LDLRAD4: variants seen among roughly 807,000 people sequenced by gnomAD.
LDLRAD4 encodes the protein low-density lipoprotein receptor class A domain-containing protein 4.
Under a neutral mutation model 17.0 loss-of-function variants are expected in LDLRAD4, and 5 were observed. The observed-to-expected ratio is 0.29, with a 90% CI of 0.15 to 0.62. LDLRAD4 has a LOEUF of 0.62. LDLRAD4 is among the 20% of genes least tolerant of loss of function. LDLRAD4 has a pLI of 0.84. For missense variants in LDLRAD4, 340 were observed against 424.7 expected, an observed-to-expected ratio of 0.80 and a Z score of 1.75; for synonymous variants, 168 against 171.8, an observed-to-expected ratio of 0.98 and a Z score of 0.17.
At chr18:13,382,044 C>CA (rs1455732174) in intron 1 of LDLRAD4, among the ~76,000 whole-genome samples, 1 of 152,230 alleles carries the variant, frequency 6.6e-6, no homozygotes, top group Non-Finnish European at 1.5e-5. Flanking sequence ...GGGCCTGGAG[C>CA]AGTCGCCATG....
intron 3 of LDLRAD4, among the ~76,000 whole-genome samples, chr18:13,538,728 G>A (rs924851722): frequency 6.6e-6 from 1 of 152,124 alleles, no homozygotes; most frequent in South Asian, 2.1e-4. Flanking sequence ...GTTTCACCAC[G>A]TTGACTGAGT....
chr18:13,571,577 A>G (rs952973064), intron 3 of LDLRAD4, among the ~76,000 whole-genome samples: 1 of 152,236 alleles, frequency 6.6e-6, no homozygotes, highest in Admixed American at 6.5e-5. Context: ...GATACAATGC[A>G]TAGGCCAGTG....
chr18:13,232,639 T>C (rs553975761), intron 1 of LDLRAD4, among the ~76,000 whole-genome samples: 1 of 152,302 alleles, frequency 6.6e-6, no homozygotes, highest in Admixed American at 6.5e-5. Context: ...AGCTCAGCTA[T>C]TCACTGTTGT....
At chr18:13,518,308 G>T (rs75391748) in intron 3 of LDLRAD4, among the ~76,000 whole-genome samples, 1,863 of 152,164 alleles carry the variant, frequency 0.012, 37 homozygotes, top group African/African-American at 0.043. Context: ...TCACTCCTCA[G>T]CTGTGTCTCG....
intron 1 of LDLRAD4, among the ~76,000 whole-genome samples, chr18:13,287,724 G>A (rs2146354391): frequency 6.6e-6 from 1 of 152,236 alleles, no homozygotes; most frequent in Non-Finnish European, 1.5e-5. Flanking sequence ...CTTATTATGA[G>A]GATTGGATTT....
chr18:13,337,188 G>T (rs945382061), intron 1 of LDLRAD4, among the ~76,000 whole-genome samples: 4 of 152,188 alleles, frequency 2.6e-5, no homozygotes, highest in African/African-American at 9.7e-5. Context: ...TCTTCGAAAT[G>T]ATATAAGTCC....
At chr18:13,371,222 G>A (rs2084483457) in intron 1 of LDLRAD4, among the ~76,000 whole-genome samples, 1 of 152,168 alleles carries the variant, frequency 6.6e-6, no homozygotes, top group Admixed American at 6.5e-5. Context: ...GGCTCCAGGA[G>A]GAGCAGCCAC....
chr18:13,429,765 G>C (rs1455697757), intron 2 of LDLRAD4, among the ~76,000 whole-genome samples: 1 of 152,220 alleles, frequency 6.6e-6, no homozygotes, highest in South Asian at 2.1e-4. Flanking sequence ...CTGAGCCAGC[G>C]CTCAGGGTTC....
At chr18:13,268,136 G>C (rs2044324894) in intron 1 of LDLRAD4, among the ~76,000 whole-genome samples, 1 of 152,134 alleles carries the variant, frequency 6.6e-6, no homozygotes, top group Non-Finnish European at 1.5e-5. Context: ...GATTTCCTTT[G>C]TTTTCCTGTC....
At chr18:13,407,596 G>A (rs2087885324) in intron 2 of LDLRAD4, among the ~76,000 whole-genome samples, 1 of 152,262 alleles carries the variant, frequency 6.6e-6, no homozygotes, top group Non-Finnish European at 1.5e-5. Context: ...GGTAGGAGCT[G>A]TATGAGTGCA....
chr18:13,572,718 G>A (rs1021065527), intron 3 of LDLRAD4, among the ~76,000 whole-genome samples: 14 of 152,178 alleles, frequency 9.2e-5, no homozygotes, highest in Non-Finnish European at 1.3e-4. Context: ...TGGGGCTTCC[G>A]AATTCTAGCA....
rs575135463 is a variant in LDLRAD4, at chr18:13,634,005, C to G, written c.337-9354C>G. On this transcript the variant is annotated intron_variant, in intron 4 of 5. Coordinates refer to ENST00000359446, the Ensembl canonical transcript of LDLRAD4. ...ACTGCCATCAGTGTTTGATGAAATT[C>G]AACATACTTTCATGATAGAAACCCT... is the stretch of plus-strand genomic sequence containing the variant. Among the ~76,000 whole-genome samples the G allele has an allele frequency of 3.9e-5, 6 of 152,344 alleles. No individual in the cohort carries two copies. The South Asian group carries it at 1.0e-3, about 26-fold the overall frequency.
At chr18:13,234,224 C>T (rs1298653260) in intron 1 of LDLRAD4, among the ~76,000 whole-genome samples, 2 of 152,298 alleles carry the variant, frequency 1.3e-5, no homozygotes, top group Admixed American at 6.5e-5. Context: ...CCCTGTGCCC[C>T]TCGGGCCTCC....
chr18:13,446,763 T>G (rs1373076925), intron 3 of LDLRAD4, among the ~76,000 whole-genome samples: 1 of 152,260 alleles, frequency 6.6e-6, no homozygotes, highest in Non-Finnish European at 1.5e-5. Context: ...CCGCTTCACC[T>G]GCTGCGGGCG....
At chr18:13,560,226 G>GAGCC (rs2094526402) in intron 3 of LDLRAD4, among the ~76,000 whole-genome samples, 1 of 152,116 alleles carries the variant, frequency 6.6e-6, no homozygotes, top group Admixed American at 6.5e-5. Flanking sequence ...CTGTTGGCCT[G>GAGCC]AGCCAACCCC....
At chr18:13,643,525 G>T in intron 5 of LDLRAD4, 113 bp downstream of exon 6, 1 of 521,904 alleles carries the variant, frequency 1.9e-6, no homozygotes, top group South Asian at 5.9e-5. Context: ...CACGTGGGCT[G>T]ACACTTTTGG....
At chr18:13,491,849 C>T (rs1339390091) in intron 3 of LDLRAD4, among the ~76,000 whole-genome samples, 1 of 152,184 alleles carries the variant, frequency 6.6e-6, no homozygotes, top group African/African-American at 2.4e-5. Flanking sequence ...CAGGCCAAAG[C>T]TTTGCACGTT....
intron 1 of LDLRAD4, among the ~76,000 whole-genome samples, chr18:13,313,898 A>G (rs1251413563): frequency 6.6e-6 from 1 of 151,980 alleles, no homozygotes; most frequent in African/African-American, 2.4e-5. Flanking sequence ...TTTGGTTTTT[A>G]TTTTTATTTT....
chr18:13,410,864 T>C (rs2088268387), intron 2 of LDLRAD4, among the ~76,000 whole-genome samples: 1 of 152,194 alleles, frequency 6.6e-6, no homozygotes, highest in Non-Finnish European at 1.5e-5. Context: ...AATGCAGGAA[T>C]GGGTTTTTAG....
Sources: allele counts gnomAD v4.1 joint callset (sites outside exome capture counted in the v4.1 genomes callset), GRCh38; gene constraint gnomAD v4.1.1; transcripts MANE v1.5; gene names NCBI Gene and HGNC (gene_info 2026-07-23, HGNC 2026-07-21).